The following EPHB2 variants were observed in gnomAD, a reference collection of about 807,000 sequenced individuals.
EPHB2 encodes ephrin type-B receptor 2.
In EPHB2, 18 loss-of-function variants were observed where a neutral mutation model predicts 96.4. The ratio of observed to expected loss-of-function variants is 0.19; its 90% CI spans 0.13 to 0.28. The LOEUF is 0.28. Among genes scored for constraint, EPHB2 ranks in the 10% least tolerant of loss-of-function variants. The pLI is 1.00. For missense variants in EPHB2, 989 were observed against 1,355.4 expected (o/e 0.73, Z 4.25); for synonymous variants, 506 against 534.1 (o/e 0.95, Z 0.72).
Position 22,798,586 on chromosome 1 carries a change from C to T in EPHB2, c.811+13510C>T, listed in dbSNP as rs142343489. On this transcript the variant is annotated intron_variant, in intron 3 of 15. Coordinates refer to ENST00000374630, the MANE Select transcript of EPHB2 (RefSeq NM_017449.5). Reference sequence around the variant, plus strand: ...AGAGGCTGCTGTGGGACTCGATTCTCTCATAAGGAGCTGGTGGGAGCCCAC... The same window carrying T: ...AGAGGCTGCTGTGGGACTCGATTCTTTCATAAGGAGCTGGTGGGAGCCCAC... 1.6e-3 allele frequency among the ~76,000 whole-genome samples: 243 copies of T among 152,186 alleles called. 1 individual carries two copies. The highest frequency in any genetic ancestry group is 4.6e-3 in the African/African-American group (191 of 41,518).
intron 9 of EPHB2, among the ~76,000 whole-genome samples, chr1:22,901,820 A>AGTGTGT (rs57503593): frequency 0.074 from 11,013 of 148,482 alleles, 980 homozygotes; most frequent in African/African-American, 0.21. Flanking sequence ...TGTGTGTGTG[A>AGTGTGT]GTGTGTGTGT....
At chr1:22,827,667 C>A (rs979117946) in intron 3 of EPHB2, among the ~76,000 whole-genome samples, 5 of 152,210 alleles carry the variant, frequency 3.3e-5, no homozygotes, top group Non-Finnish European at 7.3e-5. Flanking sequence ...CATAGTAAGT[C>A]CTCAATCAAA....
chr1:22,720,777 A>G (rs1462321069), intron 1 of EPHB2, among the ~76,000 whole-genome samples: 1 of 151,108 alleles, frequency 6.6e-6, no homozygotes, highest in Admixed American at 6.7e-5. Context: ...GGCTCATGAT[A>G]GATATTAGAT....
chr1:22,758,251 G>C (rs1190195616), intron 1 of EPHB2, among the ~76,000 whole-genome samples: 1 of 151,868 alleles, frequency 6.6e-6, no homozygotes, highest in Non-Finnish European at 1.5e-5. Flanking sequence ...GATCCCAAAA[G>C]CTGGGGGATG....
At chr1:22,712,896 G>A (rs930902146) in intron 1 of EPHB2, among the ~76,000 whole-genome samples, 1 of 152,198 alleles carries the variant, frequency 6.6e-6, no homozygotes, top group Non-Finnish European at 1.5e-5. Flanking sequence ...TGCAGTCAGC[G>A]GTGCTGGAGG....
At chr1:22,855,320 A>G (rs1340835006) in intron 3 of EPHB2, among the ~76,000 whole-genome samples, 2 of 152,318 alleles carry the variant, frequency 1.3e-5, no homozygotes, top group South Asian at 2.1e-4. Flanking sequence ...GACTTCCTAG[A>G]GATTCCAAGG....
intron 1 of EPHB2, among the ~76,000 whole-genome samples, chr1:22,726,830 T>C (rs1643592208): frequency 6.6e-6 from 1 of 152,178 alleles, no homozygotes; most frequent in African/African-American, 2.4e-5. Flanking sequence ...TGAGATGGAA[T>C]GTGTTGAGTG....
chr1:22,724,300 A>AT (rs370870550), intron 1 of EPHB2, among the ~76,000 whole-genome samples: 150 of 152,224 alleles, frequency 9.9e-4, no homozygotes, highest in African/African-American at 3.5e-3. Flanking sequence ...TTTGTACATA[A>AT]TTTGCATACA....
chr1:22,840,332 A>G (rs947861903), intron 3 of EPHB2, among the ~76,000 whole-genome samples: 1 of 152,228 alleles, frequency 6.6e-6, no homozygotes, highest in African/African-American at 2.4e-5. Flanking sequence ...CTCCTGATGA[A>G]TAAATTTTGC....
chr1:22,711,430 G>C (rs1030174762), intron 1 of EPHB2, among the ~76,000 whole-genome samples: 1 of 149,560 alleles, frequency 6.7e-6, no homozygotes, highest in African/African-American at 2.4e-5. Flanking sequence ...GCGGGGGGCG[G>C]GGGGGGCGCC....
At position 22,858,398 on chromosome 1, in the gene EPHB2, G is replaced by A. The variant is rs888584469; in HGVS notation, c.812-4639G>A. ...TTAAACAGATCACTCCAGGGACTGTGGAAGATTGGCAGAGAGGCCACAGTG... is the reference window on the plus strand; with the variant it reads ...TTAAACAGATCACTCCAGGGACTGTAGAAGATTGGCAGAGAGGCCACAGTG... On this transcript the variant is annotated intron_variant, in intron 3 of 15. Transcript: ENST00000374630. The surrounding 1 kb of genome is among the most constrained non-coding windows in gnomAD (Gnocchi z 7.7). Among the ~76,000 whole-genome samples, 1 of 152,172 alleles carries A rather than the reference G, an allele frequency of 6.6e-6. No homozygotes were observed. The highest frequency in any genetic ancestry group is 1.5e-5 in the Non-Finnish European group (1 of 68,022).
rs1455229794 is a variant in EPHB2, at chr1:22,892,975, A to T, written c.1520A>T (p.Gln507Leu). 1.9e-6 allele frequency: 3 copies of T among 1,614,236 alleles called. No homozygotes were observed. The highest frequency in any genetic ancestry group is 2.5e-6 in the Non-Finnish European group (3 of 1,180,020). ...AAAGCCGGCGCCATCTATGTCTTCCAGGTGCGGGCACGCACCGTGGCAGGT... is the reference window on the plus strand; with the variant it reads ...AAAGCCGGCGCCATCTATGTCTTCCTGGTGCGGGCACGCACCGTGGCAGGT... ...GLKAGAIYVF[Q>L]VRARTVAGYG... is the part of the protein sequence containing the mutation. Residue 507 changes from glutamine (Q) to leucine (L), a missense_variant, in exon 7 of 16, where the codon CAG becomes CTG. Physicochemically the swap from Gln to Leu is moderately radical, Grantham distance 113 (BLOSUM62 -2). Coordinates refer to ENST00000374630, the MANE Select transcript of EPHB2 (RefSeq NM_017449.5).
intron 3 of EPHB2, among the ~76,000 whole-genome samples, chr1:22,794,382 AG>A (rs1218800439): frequency 6.6e-6 from 1 of 152,140 alleles, no homozygotes; most frequent in African/African-American, 2.4e-5. Context: ...GCCTCAGGGA[AG>A]GAGGCTTCCC....
intron 1 of EPHB2, among the ~76,000 whole-genome samples, chr1:22,736,905 G>A (rs747035089): frequency 2.6e-5 from 4 of 152,248 alleles, no homozygotes; most frequent in South Asian, 2.1e-4. Context: ...GGGGGAGACC[G>A]ATTGGCTCGG....
chr1:22,752,691 T>A (rs1644082807), intron 1 of EPHB2, among the ~76,000 whole-genome samples: 1 of 151,278 alleles, frequency 6.6e-6, no homozygotes, highest in African/African-American at 2.4e-5. Flanking sequence ...AATATGTGCA[T>A]GTAAATACAT....
At chr1:22,744,477 A>G (rs1409993174) in intron 1 of EPHB2, among the ~76,000 whole-genome samples, 1 of 148,636 alleles carries the variant, frequency 6.7e-6, no homozygotes, top group Non-Finnish European at 1.5e-5. Context: ...TATATATATA[A>G]TATACTGTAT....
intron 3 of EPHB2, among the ~76,000 whole-genome samples, chr1:22,859,686 G>A (rs1365563256): frequency 2.6e-5 from 4 of 152,020 alleles, no homozygotes; most frequent in East Asian, 1.9e-4. Flanking sequence ...CCAGCTACTC[G>A]GGAGGCTGAG....
At chr1:22,712,708 G>A (rs1255730632) in intron 1 of EPHB2, among the ~76,000 whole-genome samples, 1 of 152,212 alleles carries the variant, frequency 6.6e-6, no homozygotes, top group Non-Finnish European at 1.5e-5. Flanking sequence ...AGGGTGCCAC[G>A]GGCCCTGGGT....
chr1:22,785,204 G>T (rs983952332), intron 3 of EPHB2, 128 bp downstream of exon 3: 1 of 1,200,716 alleles, frequency 8.3e-7, no homozygotes, highest in South Asian at 1.5e-5. Flanking sequence ...TAGGGCCAGG[G>T]TTTCCAAACC....
Sources: allele counts gnomAD v4.1 joint callset (sites outside exome capture counted in the v4.1 genomes callset), GRCh38; gene constraint gnomAD v4.1.1; non-coding constraint Gnocchi (gnomAD v3.1); transcripts MANE v1.5; gene names NCBI Gene and HGNC (gene_info 2026-07-23, HGNC 2026-07-21).